ARL13B: variants seen among roughly 807,000 people sequenced by gnomAD.
ARL13B encodes ARF like GTPase 13B.
ARL13B carries 36 observed loss-of-function variants against 56.1 expected under a neutral mutation model. The ratio of observed to expected loss-of-function variants is 0.64; its 90% CI spans 0.49 to 0.85. The LOEUF (loss-of-function observed/expected upper bound fraction) is 0.85, where lower values mean the gene tolerates loss of function less well. ARL13B is among the 40% of genes least tolerant of loss of function. ARL13B has a pLI of 0.00. For missense variants in ARL13B, 519 were observed against 507.1 expected (o/e 1.02, Z -0.23); for synonymous variants, 178 against 171.1 (o/e 1.04, Z -0.32).
chr3:93,996,024 C>T, intron 2 of ARL13B, 80 bp downstream of exon 2: 1 of 1,412,120 alleles, frequency 7.1e-7, no homozygotes, highest in African/African-American at 1.4e-5. Flanking sequence ...TGCTTTATTC[C>T]TTATTAATTT....
intron 2 of ARL13B, among the ~76,000 whole-genome samples, chr3:94,000,842 A>C (rs551144852): frequency 6.6e-6 from 1 of 152,158 alleles, no homozygotes; most frequent in Non-Finnish European, 1.5e-5. Context: ...GAAATTCTCA[A>C]TTGGAGACCA....
Position 94,049,424 on chromosome 3 carries a change from CT to C in ARL13B, c.1044del (p.Lys349ArgfsTer3). On this transcript the variant is annotated frameshift_variant, in exon 8 of 10. Coordinates refer to ENST00000394222, the MANE Select transcript of ARL13B (RefSeq NM_001174150.2). LOFTEE classifies it high-confidence loss of function. ...CTTGTAGCTAATGGTAAAAAGAAAA[CT>C]AAGAAACTAAGAATGAAAAGGAACC... Reference protein sequence around the residue: ...SLESANGKKKTKKLRMKRNHR... With the variant: ...SLESANGKKKXKKLRMKRNHR... 6.2e-7 allele frequency: 1 copy of C among 1,602,886 alleles called. No homozygotes were observed. The highest frequency in any genetic ancestry group is 8.5e-7 in the Non-Finnish European group (1 of 1,173,784).
intron 2 of ARL13B, among the ~76,000 whole-genome samples, chr3:93,998,565 G>A (rs2076003419): frequency 6.6e-6 from 1 of 151,984 alleles, no homozygotes; most frequent in Non-Finnish European, 1.5e-5. Flanking sequence ...ATATTTTTGT[G>A]TTGTTCTCAC....
rs1171992982 is a variant in ARL13B, at chr3:94,011,709, G to T, written c.380+7801G>T. On this transcript the variant is annotated intron_variant, in intron 3 of 9. Transcript: ENST00000394222. The stretch of plus-strand genomic sequence containing the variant: ...TCTTATGTGAGGAGTTTCTCTCTCT[G>T]GATCTTTCCTGTCAGCAGAATGTGC... Among the ~76,000 whole-genome samples, 3 of 152,012 alleles carry T rather than the reference G, an allele frequency of 2.0e-5. No homozygotes were observed. In the South Asian group the frequency reaches 6.2e-4, roughly 32 times the overall value.
chr3:94,001,480 A>G (rs1454914725), intron 2 of ARL13B, among the ~76,000 whole-genome samples: 2 of 152,144 alleles, frequency 1.3e-5, no homozygotes, highest in African/African-American at 4.8e-5. Context: ...TGAAGTCTTC[A>G]TTTCAAGATT....
At chr3:93,980,766 T>G (rs1710176047) in intron 1 of ARL13B, among the ~76,000 whole-genome samples, 1 of 151,030 alleles carries the variant, frequency 6.6e-6, no homozygotes, top group African/African-American at 2.4e-5. Context: ...TGTGTGGAAT[T>G]GAAAACTATC....
At position 94,014,744 on chromosome 3, in the gene ARL13B, CT is replaced by C. The variant is rs762108250; in HGVS notation, c.380+10840del. 9.3e-6 allele frequency: 15 copies of C among 1,613,056 alleles called. No individual in the cohort carries two copies. The Admixed American group carries it at 2.5e-4, about 27-fold the overall frequency. ...TCATTTACATCTTCTTCAGACATCTCTTTTCCAGCAACTTCAAGCTGACGTA... is the reference window on the plus strand; with the variant it reads ...TCATTTACATCTTCTTCAGACATCTCTTTCCAGCAACTTCAAGCTGACGTA... On this transcript the variant is annotated intron_variant, in intron 3 of 9. Transcript: ENST00000394222.
chr3:93,991,327 T>A (rs1347752038), intron 1 of ARL13B, among the ~76,000 whole-genome samples: 1 of 152,200 alleles, frequency 6.6e-6, no homozygotes, highest in Admixed American at 6.5e-5. Context: ...ACAGCCAAAC[T>A]GTTCCCAATA....
intron 3 of ARL13B, among the ~76,000 whole-genome samples, chr3:94,033,873 AAAT>A (rs1391297857): frequency 1.3e-5 from 2 of 152,190 alleles, no homozygotes; most frequent in South Asian, 4.1e-4. Context: ...TAGGTATGTT[AAAT>A]AAGTTTATAA....
intron 1 of ARL13B, among the ~76,000 whole-genome samples, chr3:93,994,783 C>T (rs2075937068): frequency 6.6e-6 from 1 of 152,002 alleles, no homozygotes; most frequent in African/African-American, 2.4e-5. Flanking sequence ...TTATATGGCC[C>T]CTTCAAGTAC....
Position 94,055,380 on chromosome 3 carries a change from C to T in ARL13B, c.*2117C>T. The T allele has an allele frequency of 4.5e-6, 2 of 447,330 alleles. No individual in the cohort carries two copies. Among genetic ancestry groups the T allele is most frequent in the Admixed American group, 2.4e-5 (1 of 42,266 alleles). 27.7% of individuals were successfully genotyped at this position (447,330 alleles called of 1,614,324 possible). On this transcript the variant is annotated 3_prime_UTR_variant, in exon 10 of 10. Transcript: ENST00000394222. ...ATGATTATTGAAAAACAGTTTAAAT[C>T]AGTAGATTAAAATAATGCATTTTTT...
intron 5 of ARL13B, 73 bp downstream of exon 5, chr3:94,036,827 AGTTTT>A: frequency 1.4e-6 from 2 of 1,474,326 alleles, no homozygotes; most frequent in Non-Finnish European, 9.3e-7. Flanking sequence ...ATCAGTTGTT[AGTTTT>A]ATCTGTTCAG....
intron 3 of ARL13B, among the ~76,000 whole-genome samples, chr3:94,027,407 A>C (rs1202554932): frequency 1.3e-5 from 2 of 152,088 alleles, no homozygotes; most frequent in Non-Finnish European, 2.9e-5. Context: ...TAAATAACTT[A>C]TTGAATTAAC....
intron 4 of ARL13B, 100 bp downstream of exon 4, chr3:94,035,536 G>C (rs1286317350): frequency 6.4e-6 from 5 of 782,126 alleles, no homozygotes; most frequent in Non-Finnish European, 1.0e-5. Flanking sequence ...AAAAGGCAAT[G>C]TTTTCAAAGA....
intron 3 of ARL13B, among the ~76,000 whole-genome samples, chr3:94,034,608 G>C (rs2107107211): frequency 6.6e-6 from 1 of 151,712 alleles, no homozygotes; most frequent in African/African-American, 2.4e-5. Flanking sequence ...TCACACATTA[G>C]AATTGTAGAT....
At chr3:93,993,814 A>G (rs536604590) in intron 1 of ARL13B, among the ~76,000 whole-genome samples, 3 of 152,212 alleles carry the variant, frequency 2.0e-5, no homozygotes, top group Non-Finnish European at 4.4e-5. Flanking sequence ...TAAAGCAGGT[A>G]CATTTCCAGA....
chr3:93,996,824 G>A (rs371273395), intron 2 of ARL13B: 3 of 164,164 alleles, frequency 1.8e-5, no homozygotes, highest in African/African-American at 7.2e-5. Context: ...TCTGTCTGTG[G>A]GCTGGTTCTT....
chr3:94,019,605 GTCTTT>G (rs2076406923), intron 3 of ARL13B, among the ~76,000 whole-genome samples: 1 of 142,932 alleles, frequency 7.0e-6, no homozygotes, highest in Admixed American at 7.4e-5. Flanking sequence ...AAAACCTCTG[GTCTTT>G]TCTTAACACA....
intron 3 of ARL13B, among the ~76,000 whole-genome samples, chr3:94,014,167 G>GT (rs917954974): frequency 5.3e-5 from 8 of 152,140 alleles, no homozygotes; most frequent in African/African-American, 1.4e-4. Flanking sequence ...GATGGTAACT[G>GT]TATTTTTTTG....
Sources: allele counts gnomAD v4.1 joint callset (sites outside exome capture counted in the v4.1 genomes callset), GRCh38; gene constraint gnomAD v4.1.1; transcripts MANE v1.5; gene names NCBI Gene and HGNC (gene_info 2026-07-23, HGNC 2026-07-21).